Variants in RASA1 observed in about 807,000 individuals in gnomAD.
RASA1 encodes the protein RAS p21 protein activator 1.
Under a neutral mutation model 132.2 loss-of-function variants are expected in RASA1, and 25 were observed. The ratio of observed to expected loss-of-function variants is 0.19; its 90% CI spans 0.14 to 0.26. The LOEUF is 0.26. Ranked by LOEUF, RASA1 falls within the 10% of genes least tolerant of loss-of-function variation. The pLI is 1.00. For synonymous variants in RASA1, 477 were observed against 449.9 expected (o/e 1.06, Z -0.76); for missense variants, 964 against 1,299.2 (o/e 0.74, Z 3.97).
intron 1 of RASA1, among the ~76,000 whole-genome samples, chr5:87,296,357 C>T (rs1039206041): frequency 1.3e-5 from 2 of 152,096 alleles, no homozygotes; most frequent in African/African-American, 2.4e-5. Context: ...GAACTGTTAC[C>T]TTTTAGCTGA....
At chr5:87,296,583 A>C (rs1450639085) in intron 1 of RASA1, among the ~76,000 whole-genome samples, 1 of 151,526 alleles carries the variant, frequency 6.6e-6, no homozygotes, top group Non-Finnish European at 1.5e-5. Flanking sequence ...ACATGGTATA[A>C]ATTTTTAGGT....
At chr5:87,382,982 A>G (rs939954808) in intron 20 of RASA1, among the ~76,000 whole-genome samples, 3 of 151,672 alleles carry the variant, frequency 2.0e-5, no homozygotes, top group African/African-American at 4.9e-5. Context: ...AGTCCTAACT[A>G]CTCTAAGCCT....
chr5:87,387,924 C>T (rs1580413969), intron 23 of RASA1, among the ~76,000 whole-genome samples: 1 of 151,876 alleles, frequency 6.6e-6, no homozygotes, highest in South Asian at 2.1e-4. Context: ...AGTTATGCCA[C>T]ACAATCTAAG....
intron 11 of RASA1, chr5:87,366,328 T>C (rs1418303172): frequency 1.3e-5 from 5 of 392,894 alleles, no homozygotes; most frequent in Non-Finnish European, 2.6e-5. Context: ...TTAGCATTAT[T>C]TTGATATAGT....
chr5:87,370,510 A>AAATT (rs1355646015), intron 12 of RASA1, among the ~76,000 whole-genome samples: 12 of 152,284 alleles, frequency 7.9e-5, no homozygotes, highest in African/African-American at 2.9e-4. Flanking sequence ...CAAAAGTAAA[A>AAATT]AATTAGCTAG....
intron 1 of RASA1, among the ~76,000 whole-genome samples, chr5:87,302,496 CTGT>C (rs951632678): frequency 1.3e-5 from 2 of 150,304 alleles, no homozygotes; most frequent in Admixed American, 6.6e-5. Context: ...CAATTTCGCA[CTGT>C]TGTTTTTTTA....
At chr5:87,300,419 A>T (rs1048323904) in intron 1 of RASA1, among the ~76,000 whole-genome samples, 3 of 151,998 alleles carry the variant, frequency 2.0e-5, no homozygotes, top group Non-Finnish European at 4.4e-5. Flanking sequence ...AATCCTAGCT[A>T]CTTGGGAGGC....
At chr5:87,351,374 G>T (rs1277678974) in intron 8 of RASA1, among the ~76,000 whole-genome samples, 1 of 151,714 alleles carries the variant, frequency 6.6e-6, no homozygotes, top group East Asian at 1.9e-4. Flanking sequence ...AAATTCAGGG[G>T]ATATATAAAT....
chr5:87,287,029 C>CAT (rs577569262), intron 1 of RASA1, among the ~76,000 whole-genome samples: 10 of 137,998 alleles, frequency 7.2e-5, no homozygotes, highest in African/African-American at 2.4e-4. Context: ...ATATATATAC[C>CAT]ATATATATAC....
At chr5:87,289,483 C>T (rs894624045) in intron 1 of RASA1, among the ~76,000 whole-genome samples, 2 of 151,778 alleles carry the variant, frequency 1.3e-5, no homozygotes, top group South Asian at 2.1e-4. Flanking sequence ...TTTGTAATTT[C>T]GTTGAAATTT....
intron 1 of RASA1, among the ~76,000 whole-genome samples, chr5:87,281,871 G>A (rs768842271): frequency 5.3e-5 from 8 of 151,962 alleles, no homozygotes; most frequent in Non-Finnish European, 1.2e-4. Flanking sequence ...GTGAGCCACC[G>A]CCCCCAGCCT....
At chr5:87,302,958 T>G (rs934374632) in intron 1 of RASA1, among the ~76,000 whole-genome samples, 1 of 152,124 alleles carries the variant, frequency 6.6e-6, no homozygotes, top group Non-Finnish European at 1.5e-5. Flanking sequence ...GTCTTTTTCT[T>G]TTAGACGTAC....
chr5:87,385,949 T>C (rs2112514798), intron 22 of RASA1, among the ~76,000 whole-genome samples: 1 of 152,170 alleles, frequency 6.6e-6, no homozygotes, highest in East Asian at 1.9e-4. Flanking sequence ...CTTGCATACA[T>C]TTCCTTTCAT....
Position 87,376,373 on chromosome 5 carries a change from T to C in RASA1, c.2012-20T>C, listed in dbSNP as rs771010524. On this transcript the variant is annotated intron_variant, in intron 15 of 24. Coordinates refer to ENST00000274376, the MANE Select transcript of RASA1 (RefSeq NM_002890.3). ...TCGTGTTCTCTTTTTAAACAATAAT[T>C]GCTTGTTTTTCTTCCCAAGTATTTA... is the stretch of plus-strand genomic sequence containing the variant. 6 of 1,613,444 alleles carry C rather than the reference T, an allele frequency of 3.7e-6. No homozygotes were observed. Among genetic ancestry groups the C allele is most frequent in the Non-Finnish European group, 5.1e-6 (6 of 1,179,674 alleles).
chr5:87,336,627 T>G (rs1040005743), intron 4 of RASA1, among the ~76,000 whole-genome samples: 1 of 152,102 alleles, frequency 6.6e-6, no homozygotes, highest in African/African-American at 2.4e-5. Flanking sequence ...TTTTGCACCA[T>G]GAAAAGTTGG....
chr5:87,374,023 C>A, intron 13 of RASA1, 140 bp from the exon 14 acceptor site: 1 of 660,024 alleles, frequency 1.5e-6, no homozygotes, highest in Non-Finnish European at 2.0e-6. Context: ...AAATATATAA[C>A]CAAAGCTCAC....
At chr5:87,381,764 T>A (rs1761732016) in intron 20 of RASA1, among the ~76,000 whole-genome samples, 1 of 152,176 alleles carries the variant, frequency 6.6e-6, no homozygotes, top group South Asian at 2.1e-4. Flanking sequence ...AATTTGTAAG[T>A]TTCAAACAAG....
chr5:87,387,005 CT>C, intron 23 of RASA1, 102 bp downstream of exon 23: 2 of 1,129,316 alleles, frequency 1.8e-6, no homozygotes, highest in Admixed American at 2.2e-5. Flanking sequence ...CTATCCAAAA[CT>C]AAAAAGACAA....
intron 1 of RASA1, among the ~76,000 whole-genome samples, chr5:87,324,766 A>G (rs1157860510): frequency 6.6e-6 from 1 of 152,118 alleles, no homozygotes; most frequent in Non-Finnish European, 1.5e-5. Flanking sequence ...AGTGATGTGT[A>G]GTTGGTCTAA....
Sources: allele counts gnomAD v4.1 joint callset (sites outside exome capture counted in the v4.1 genomes callset), GRCh38; gene constraint gnomAD v4.1.1; transcripts MANE v1.5; gene names NCBI Gene and HGNC (gene_info 2026-07-23, HGNC 2026-07-21).